JARID2: variants seen among roughly 807,000 people sequenced by gnomAD.
JARID2 encodes the protein jumonji and AT-rich interaction domain containing 2.
Under a neutral mutation model 125.6 loss-of-function variants are expected in JARID2, and 21 were observed. The ratio of observed to expected loss-of-function variants is 0.17; its 90% CI spans 0.12 to 0.24. The LOEUF (loss-of-function observed/expected upper bound fraction) is 0.24. Ranked by LOEUF, JARID2 falls within the 10% of genes least tolerant of loss-of-function variation. The probability of loss-of-function intolerance (pLI) is 1.00; values close to 1 mark genes in which losing one functional copy is unlikely to be tolerated. For synonymous variants in JARID2, 736 were observed against 661.6 expected (o/e 1.11, Z -1.73); for missense variants, 1,303 against 1,639.6 (o/e 0.79, Z 3.55).
chr6:15,404,116 C>G (rs1398361699), intron 2 of JARID2, among the ~76,000 whole-genome samples: 1 of 152,210 alleles, frequency 6.6e-6, no homozygotes, highest in Admixed American at 6.5e-5. Context: ...TGCCTCATGA[C>G]TTGGCATTTG....
At position 15,292,695 on chromosome 6, in the gene JARID2, C is replaced by T. The variant is rs556940875; in HGVS notation, c.45+46111C>T. 2.2e-4 allele frequency among the ~76,000 whole-genome samples: 33 copies of T among 152,242 alleles called. 2 individuals carry two copies. Among genetic ancestry groups the T allele is most frequent in the South Asian group, 8.3e-4 (4 of 4,814 alleles). On this transcript the variant is annotated intron_variant, in intron 1 of 17. Coordinates refer to ENST00000341776, the MANE Select transcript of JARID2 (RefSeq NM_004973.4). Reference sequence around the variant, plus strand: ...TATTTGTTTATGTTTTGAGACGAGTCTCACTCTTGTCACCCAGGCTGGAAT... The same window carrying T: ...TATTTGTTTATGTTTTGAGACGAGTTTCACTCTTGTCACCCAGGCTGGAAT...
In JARID2 at chr6:15,246,431, C is replaced by T; in HGVS notation, c.-109C>T. On this transcript the variant is annotated 5_prime_UTR_variant, in exon 1 of 18. Coordinates refer to ENST00000341776, the MANE Select transcript of JARID2 (RefSeq NM_004973.4). Reference sequence around the variant, plus strand: ...AAGAAAAGTCGGATTACAAGATCAACCACCACCAACAACAATAAAAACCAC... The same window carrying T: ...AAGAAAAGTCGGATTACAAGATCAATCACCACCAACAACAATAAAAACCAC... The T allele has an allele frequency of 2.3e-6, 2 of 857,772 alleles. No individual in the cohort carries two copies. The highest frequency in any genetic ancestry group is 3.8e-6 in the Non-Finnish European group (2 of 526,474). 53.1% of individuals were successfully genotyped at this position (857,772 alleles called of 1,614,324 possible).
At chr6:15,412,214 G>T (rs1765907603) in intron 3 of JARID2, among the ~76,000 whole-genome samples, 1 of 152,248 alleles carries the variant, frequency 6.6e-6, no homozygotes, top group South Asian at 2.1e-4. Flanking sequence ...GATAGGCTTG[G>T]GTAGATTTTG....
chr6:15,304,048 C>T (rs904233629), intron 1 of JARID2, among the ~76,000 whole-genome samples: 6 of 152,168 alleles, frequency 3.9e-5, no homozygotes, highest in African/African-American at 1.4e-4. Context: ...ATCACAGTCT[C>T]AACCTTGGTC....
At chr6:15,400,021 C>T (rs774407250) in intron 2 of JARID2, among the ~76,000 whole-genome samples, 3 of 152,344 alleles carry the variant, frequency 2.0e-5, no homozygotes, top group Admixed American at 6.5e-5. Flanking sequence ...TTGTCTGAGG[C>T]CAGGGAGCTG....
At chr6:15,347,646 G>C (rs1387696830) in intron 1 of JARID2, among the ~76,000 whole-genome samples, 1 of 152,232 alleles carries the variant, frequency 6.6e-6, no homozygotes, top group African/African-American at 2.4e-5. Flanking sequence ...GTAGAATTCT[G>C]TTGGGGTTTA....
At chr6:15,369,216 G>A (rs985448301) in intron 1 of JARID2, 7 of 337,286 alleles carry the variant, frequency 2.1e-5, no homozygotes, top group Admixed American at 1.5e-4. Flanking sequence ...CTCACAGTCC[G>A]GGTTAGAGAT....
At chr6:15,355,867 T>C (rs1236489500) in intron 1 of JARID2, among the ~76,000 whole-genome samples, 1 of 152,194 alleles carries the variant, frequency 6.6e-6, no homozygotes, top group Non-Finnish European at 1.5e-5. Flanking sequence ...CACCTTGACT[T>C]CCCCAAGTGC....
intron 3 of JARID2, among the ~76,000 whole-genome samples, chr6:15,429,929 T>A (rs1360833723): frequency 6.6e-6 from 1 of 152,174 alleles, no homozygotes; most frequent in African/African-American, 2.4e-5. Flanking sequence ...AGTGTGTATT[T>A]CTAGCCTCAC....
chr6:15,249,443 A>T (rs1222754755), intron 1 of JARID2, among the ~76,000 whole-genome samples: 1 of 152,038 alleles, frequency 6.6e-6, no homozygotes, highest in Non-Finnish European at 1.5e-5. Flanking sequence ...AGAGCACAGG[A>T]CTCCTTTAAG....
At chr6:15,383,145 A>G (rs1308646772) in intron 2 of JARID2, among the ~76,000 whole-genome samples, 1 of 151,892 alleles carries the variant, frequency 6.6e-6, no homozygotes, top group Non-Finnish European at 1.5e-5. Context: ...AGGCAAATGG[A>G]TGGAAATTTG....
chr6:15,340,777 T>C (rs1427137348), intron 1 of JARID2, among the ~76,000 whole-genome samples: 4 of 152,166 alleles, frequency 2.6e-5, no homozygotes, highest in Non-Finnish European at 4.4e-5. Context: ...CGTTCCTCTT[T>C]AGTGGGAAAA....
At chr6:15,401,182 A>G (rs567033202) in intron 2 of JARID2, among the ~76,000 whole-genome samples, 116 of 151,676 alleles carry the variant, frequency 7.6e-4, no homozygotes, top group Non-Finnish European at 1.3e-3. Flanking sequence ...ATGAGAGACT[A>G]TGTAAAAAGT....
chr6:15,480,396 C>G (rs1769553386), intron 5 of JARID2, among the ~76,000 whole-genome samples: 2 of 152,142 alleles, frequency 1.3e-5, no homozygotes, highest in Admixed American at 1.3e-4. Context: ...TATCTTATAA[C>G]TTTTGCTGGA....
intron 1 of JARID2, among the ~76,000 whole-genome samples, chr6:15,262,153 C>CTTT (rs56888368): frequency 7.2e-6 from 1 of 139,352 alleles, no homozygotes; most frequent in East Asian, 2.1e-4. Flanking sequence ...AATCTCATGC[C>CTTT]TTTTTTTTTT....
intron 5 of JARID2, among the ~76,000 whole-genome samples, chr6:15,470,814 CAG>C (rs1281288253): frequency 2.6e-5 from 4 of 152,310 alleles, no homozygotes; most frequent in African/African-American, 4.8e-5. Flanking sequence ...ACATCGCAAA[CAG>C]AGCGATGCGG....
intron 1 of JARID2, among the ~76,000 whole-genome samples, chr6:15,357,900 T>C (rs1388303945): frequency 6.6e-6 from 1 of 152,222 alleles, no homozygotes; most frequent in African/African-American, 2.4e-5. Context: ...TGTATCACAC[T>C]GACAAGCAAT....
chr6:15,351,454 G>A (rs2127482111), intron 1 of JARID2, among the ~76,000 whole-genome samples: 2 of 152,288 alleles, frequency 1.3e-5, no homozygotes, highest in South Asian at 4.1e-4. Context: ...CATGGAGCAG[G>A]AGGCCTGGGT....
At chr6:15,512,484 C>CT in intron 14 of JARID2, 94 bp downstream of exon 14, 2 of 1,148,012 alleles carry the variant, frequency 1.7e-6, no homozygotes, top group East Asian at 4.7e-5. Flanking sequence ...GTGTGCGTGT[C>CT]TATTTGTCAA....
Sources: allele counts gnomAD v4.1 joint callset (sites outside exome capture counted in the v4.1 genomes callset), GRCh38; gene constraint gnomAD v4.1.1; transcripts MANE v1.5; gene names NCBI Gene and HGNC (gene_info 2026-07-23, HGNC 2026-07-21).